SH3GL2: variants seen among roughly 807,000 people sequenced by gnomAD.
The protein encoded by SH3GL2 is SH3 domain containing GRB2 like 2, endophilin A1, also known as endophilin-A1.
In SH3GL2, 24 loss-of-function variants were observed where a neutral mutation model predicts 46.0. The ratio of observed to expected loss-of-function variants is 0.52; its 90% CI spans 0.38 to 0.73. SH3GL2 has a LOEUF of 0.73. SH3GL2 is among the 30% of genes least tolerant of loss of function. The pLI, the probability that SH3GL2 is intolerant of heterozygous loss-of-function variation, is 0.00. For missense variants in SH3GL2, 413 were observed against 424.2 expected (o/e 0.97, Z 0.23); for synonymous variants, 196 against 147.1 (o/e 1.33, Z -2.40).
At chr9:17,717,919 G>C (rs1225990684) in intron 1 of SH3GL2, among the ~76,000 whole-genome samples, 2 of 152,024 alleles carry the variant, frequency 1.3e-5, no homozygotes, top group Non-Finnish European at 2.9e-5. Flanking sequence ...TGAATCCTCT[G>C]GGTTCCACAT....
chr9:17,622,986 G>GTTCCTTTCCTTTCCTTTCCGTTCC (rs1554631076), intron 1 of SH3GL2, among the ~76,000 whole-genome samples: 3 of 99,352 alleles, frequency 3.0e-5, no homozygotes, highest in African/African-American at 4.3e-5. Flanking sequence ...GTTTCCTTTC[G>GTTCCTTTCCTTTCCTTTCCGTTCC]TTTCCTTTCC....
intron 1 of SH3GL2, among the ~76,000 whole-genome samples, chr9:17,596,107 C>G (rs1369076720): frequency 1.3e-5 from 2 of 152,036 alleles, no homozygotes; most frequent in South Asian, 4.2e-4. Context: ...AGGAACAAAC[C>G]CAGTTTCTAG....
chr9:17,777,801 C>G (rs934261200), intron 3 of SH3GL2, among the ~76,000 whole-genome samples: 1 of 152,052 alleles, frequency 6.6e-6, no homozygotes, highest in South Asian at 2.1e-4. Context: ...AGCACTATCT[C>G]AAAATACAAT....
intron 1 of SH3GL2, among the ~76,000 whole-genome samples, chr9:17,666,358 T>G (rs1301852042): frequency 1.3e-5 from 2 of 152,098 alleles, no homozygotes; most frequent in African/African-American, 4.8e-5. Flanking sequence ...ATGAAAGATG[T>G]CCCCAGAAAC....
At chr9:17,589,536 C>T (rs1462995598) in intron 1 of SH3GL2, 1 of 152,050 alleles carries the variant, frequency 6.6e-6, no homozygotes, top group Middle Eastern at 3.1e-3. Flanking sequence ...ACTTCTCTAA[C>T]CTTGGAATAG....
intron 1 of SH3GL2, among the ~76,000 whole-genome samples, chr9:17,719,515 A>G (rs1392006493): frequency 2.6e-5 from 4 of 152,084 alleles, no homozygotes; most frequent in Non-Finnish European, 4.4e-5. Context: ...GCTGGGCACA[A>G]TGGCTCATGC....
chr9:17,721,822 C>T (rs1821900640), intron 1 of SH3GL2, among the ~76,000 whole-genome samples: 3 of 151,992 alleles, frequency 2.0e-5, no homozygotes, highest in Admixed American at 6.6e-5. Flanking sequence ...TAATAAATAC[C>T]CTCTCATTTA....
intron 1 of SH3GL2, among the ~76,000 whole-genome samples, chr9:17,714,993 G>T (rs989272778): frequency 6.6e-6 from 1 of 151,610 alleles, no homozygotes; most frequent in Non-Finnish European, 1.5e-5. Context: ...TGTTTTCACA[G>T]GATATAGAAT....
chr9:17,637,172 T>G (rs1278908740), intron 1 of SH3GL2, among the ~76,000 whole-genome samples: 2 of 152,190 alleles, frequency 1.3e-5, no homozygotes, highest in East Asian at 3.8e-4. Context: ...GCACAAACAT[T>G]TAATGGTGAA....
intron 3 of SH3GL2, among the ~76,000 whole-genome samples, chr9:17,773,831 A>G (rs1823564480): frequency 6.6e-6 from 1 of 152,272 alleles, no homozygotes; most frequent in South Asian, 2.1e-4. Flanking sequence ...ATTTCTACAA[A>G]AAATGTTACT....
chr9:17,745,962 T>C (rs1435910767), intron 1 of SH3GL2, among the ~76,000 whole-genome samples: 1 of 152,220 alleles, frequency 6.6e-6, no homozygotes, highest in Non-Finnish European at 1.5e-5. Context: ...AATGAAAAGG[T>C]CTTCGTGCCA....
rs10963154 is a variant in SH3GL2 at position 17,592,010 on chromosome 9, T to C, written c.45+12723T>C. Among the ~76,000 whole-genome samples, 11 of 152,300 alleles carry C rather than the reference T, an allele frequency of 7.2e-5. No homozygotes were observed. In the East Asian group the frequency reaches 2.1e-3, roughly 29 times the overall value. ...ATGTAGATACATGAGAGGGATTTAT[T>C]ATGGGAATTGGCTCATGTGATTATG... On this transcript the variant is annotated intron_variant, in intron 1 of 8. Coordinates refer to ENST00000380607, the MANE Select transcript of SH3GL2 (RefSeq NM_003026.5).
intron 1 of SH3GL2, among the ~76,000 whole-genome samples, chr9:17,733,715 C>T (rs141194474): frequency 0.069 from 10,544 of 152,002 alleles, 475 homozygotes; most frequent in Admixed American, 0.13. Flanking sequence ...GACTTGGAAC[C>T]AATCCAAATG....
chr9:17,680,044 A>T (rs1339008267), intron 1 of SH3GL2, among the ~76,000 whole-genome samples: 1 of 152,156 alleles, frequency 6.6e-6, no homozygotes, highest in East Asian at 1.9e-4. Context: ...TATTTTATTG[A>T]GGATTTTTGC....
intron 1 of SH3GL2, among the ~76,000 whole-genome samples, chr9:17,703,550 C>A (rs546930054): frequency 6.6e-6 from 1 of 151,856 alleles, no homozygotes; most frequent in Non-Finnish European, 1.5e-5. Context: ...TGCAAAAATC[C>A]TCAGGAAAAT....
At chr9:17,749,476 A>C (rs144707133) in intron 2 of SH3GL2, among the ~76,000 whole-genome samples, 1 of 152,070 alleles carries the variant, frequency 6.6e-6, no homozygotes, top group Non-Finnish European at 1.5e-5. Flanking sequence ...GAGCATTTAT[A>C]GTTTGCCACG....
intron 3 of SH3GL2, among the ~76,000 whole-genome samples, chr9:17,777,797 A>G (rs181902122): frequency 1.3e-5 from 2 of 152,070 alleles, no homozygotes; most frequent in East Asian, 1.9e-4. Context: ...TAAAAGCACT[A>G]TCTCAAAATA....
chr9:17,634,673 A>G (rs1819503888), intron 1 of SH3GL2, among the ~76,000 whole-genome samples: 1 of 152,166 alleles, frequency 6.6e-6, no homozygotes, highest in Admixed American at 6.5e-5. Flanking sequence ...TCTTCTCTTA[A>G]CCTGTGACTT....
chr9:17,610,602 A>G (rs573391755), intron 1 of SH3GL2, among the ~76,000 whole-genome samples: 1 of 152,342 alleles, frequency 6.6e-6, no homozygotes, highest in African/African-American at 2.4e-5. Flanking sequence ...TATACTTAAA[A>G]AAATCAGGGT....
Sources: gnomAD v4.1 joint callset for allele counts (sites outside exome capture counted in the v4.1 genomes callset) on GRCh38, gnomAD v4.1.1 for gene constraint, MANE v1.5 for transcripts, NCBI Gene and HGNC (gene_info 2026-07-23, HGNC 2026-07-21) for gene names.